Variants in KPNA2 observed in about 807,000 individuals in gnomAD.
KPNA2 encodes importin subunit alpha-1.
Under a neutral mutation model 53.7 loss-of-function variants are expected in KPNA2, and 20 were observed. That is an observed-to-expected ratio of 0.37 (90% confidence interval 0.26 to 0.54). The LOEUF (loss-of-function observed/expected upper bound fraction) is 0.54, where lower values mean the gene tolerates loss of function less well. Ranked by LOEUF, KPNA2 falls within the 20% of genes least tolerant of loss-of-function variation. KPNA2 has a pLI of 0.83. For synonymous variants in KPNA2, 238 were observed against 227.5 expected, an observed-to-expected ratio of 1.05 and a Z score of -0.42; for missense variants, 515 against 640.3, an observed-to-expected ratio of 0.80 and a Z score of 2.11.
chr17:68,037,026 C>G (rs1209339531), intron 1 of KPNA2, 84 bp from the exon 2 acceptor site: 1 of 908,828 alleles, frequency 1.1e-6, no homozygotes, highest in Non-Finnish European at 1.8e-6. Flanking sequence ...TCAGTAGATG[C>G]TTGATAATTC....
chr17:68,039,274 C>T (rs576142661), intron 3 of KPNA2, among the ~76,000 whole-genome samples: 21 of 151,918 alleles, frequency 1.4e-4, no homozygotes, highest in Admixed American at 2.6e-4. Context: ...GGGATCACCA[C>T]GATGTCTAGC....
chr17:68,043,675 C>T lies in KPNA2; in HGVS notation c.931-163C>T, dbSNP rs566159866. 8.0e-5 allele frequency among the ~76,000 whole-genome samples: 5 copies of T among 62,752 alleles called. No individual in the cohort carries two copies. In the East Asian group the frequency reaches 1.7e-3, roughly 22 times the overall value. The allele number at this position is 62,752 out of a possible 152,430, so 41.2% of individuals were successfully genotyped here. ...GACCCGAAATCGTGCCATTATACTC[C>T]AGTCTCTCAAAAAAAAAAAAAAAAG... is the stretch of plus-strand genomic sequence containing the variant. On this transcript the variant is annotated intron_variant, in intron 7 of 10. Transcript: ENST00000330459.
In KPNA2 at chr17:68,042,368, A is replaced by C. The variant is rs1555704680; in HGVS notation, c.571+15A>C. ...AAACATTGCAGGTACTTGGACTTGA[A>C]GTTCTTTTGACTGAATGTATCTAAT... On this transcript the variant is annotated intron_variant, in intron 5 of 10. Coordinates refer to ENST00000330459, the MANE Select transcript of KPNA2 (RefSeq NM_002266.4). 1 of 1,612,266 alleles carries C rather than the reference A, an allele frequency of 6.2e-7. No homozygotes were observed. The highest frequency in any genetic ancestry group is 1.7e-5 in the Admixed American group (1 of 59,964).
intron 3 of KPNA2, among the ~76,000 whole-genome samples, chr17:68,039,310 G>A (rs1035564156): frequency 2.6e-5 from 4 of 151,514 alleles, no homozygotes; most frequent in Non-Finnish European, 5.9e-5. Context: ...TAGTAGACAC[G>A]GGGATTCACC....
chr17:68,038,143 T>C (rs192760244), intron 3 of KPNA2, among the ~76,000 whole-genome samples: 178 of 152,230 alleles, frequency 1.2e-3, no homozygotes, highest in Middle Eastern at 6.8e-3. Context: ...GTCTGGCTAA[T>C]TTTTTGTATT....
At chr17:68,037,625 C>G in intron 3 of KPNA2, 130 bp downstream of exon 3, 5 of 890,898 alleles carry the variant, frequency 5.6e-6, no homozygotes, top group Non-Finnish European at 8.7e-6. Flanking sequence ...ATCTTTTTCT[C>G]TGTTTGCAAT....
intron 4 of KPNA2, 61 bp downstream of exon 4, chr17:68,040,827 T>TG (rs1555704485): frequency 0.61 from 457,854 of 754,956 alleles, 147,862 homozygotes; most frequent in Non-Finnish European, 0.66. Flanking sequence ...GATTTTTTTT[T>TG]GGGGGGTGGG....
intron 10 of KPNA2, 25 bp from the exon 11 acceptor site, chr17:68,046,479 T>C (rs1311283709): frequency 1.3e-5 from 18 of 1,437,784 alleles, no homozygotes; most frequent in Non-Finnish European, 1.8e-5. Flanking sequence ...ATCATTTTTA[T>C]ACTTATTTTT....
chr17:68,040,362 T>G (rs2071244824), intron 3 of KPNA2, among the ~76,000 whole-genome samples: 2 of 151,178 alleles, frequency 1.3e-5, no homozygotes, highest in South Asian at 4.2e-4. Flanking sequence ...CCCAAAGTGC[T>G]AGGCTTACAG....
intron 3 of KPNA2, among the ~76,000 whole-genome samples, chr17:68,038,871 T>C (rs2071220624): frequency 6.6e-6 from 1 of 152,038 alleles, no homozygotes; most frequent in Non-Finnish European, 1.5e-5. Flanking sequence ...TAAAGTTAGC[T>C]GGGTGTGGTG....
chr17:68,036,988 A>AT, intron 1 of KPNA2, 122 bp from the exon 2 acceptor site: 1 of 713,750 alleles, frequency 1.4e-6, no homozygotes, highest in Non-Finnish European at 2.5e-6. Flanking sequence ...AAACATGATG[A>AT]TCCCCCCTCT....
Position 68,042,945 on chromosome 17 carries a change from T to C in KPNA2, c.612T>C (p.Gly204=), listed in dbSNP as rs782535624. 3.7e-6 allele frequency: 6 copies of C among 1,613,724 alleles called. No homozygotes were observed. Among genetic ancestry groups the C allele is most frequent in the Non-Finnish European group, 5.1e-6 (6 of 1,179,916 alleles). The part of the protein sequence containing the change: ...SVFRDLVIKY[G]AVDPLLALLA... The stretch of plus-strand genomic sequence containing the variant: ...TCCGAGACTTGGTTATTAAGTACGG[T>C]GCAGTTGACCCACTGTTGGCTCTCC... The change falls in exon 6 of 11, where the codon GGT becomes GGC. Residue 204 remains glycine, a synonymous_variant. Coordinates refer to ENST00000330459, the MANE Select transcript of KPNA2 (RefSeq NM_002266.4).
At chr17:68,043,703 T>C (rs1599142850) in intron 7 of KPNA2, 135 bp from the exon 8 acceptor site, 1 of 620,010 alleles carries the variant, frequency 1.6e-6, no homozygotes, top group South Asian at 2.0e-5. Context: ...AAAAAAAGCA[T>C]AATCAGTTGA....
chr17:68,046,527 A>C lies in KPNA2; in HGVS notation c.1521A>C (p.Val507=). 6.2e-7 allele frequency: 1 copy of C among 1,610,058 alleles called. No homozygotes were observed. The highest frequency in any genetic ancestry group is 8.5e-7 in the Non-Finnish European group (1 of 1,177,132). The change falls in exon 11 of 11, where the codon GTA becomes GTC. Residue 507 remains valine, a synonymous_variant. Coordinates refer to ENST00000330459, the MANE Select transcript of KPNA2 (RefSeq NM_002266.4). ...SVEEEEDQNV[V]PETTSEGYTF... is the part of the protein sequence containing the mutation. Reference sequence around the variant, plus strand: ...AGGAAGAGGAAGATCAAAACGTTGTACCAGAAACTACCTCTGAAGGCTACA... The same window carrying C: ...AGGAAGAGGAAGATCAAAACGTTGTCCCAGAAACTACCTCTGAAGGCTACA...
At chr17:68,039,310 G>C (rs1035564156) in intron 3 of KPNA2, among the ~76,000 whole-genome samples, 2 of 151,514 alleles carry the variant, frequency 1.3e-5, no homozygotes, top group African/African-American at 4.8e-5. Flanking sequence ...TAGTAGACAC[G>C]GGGATTCACC....
intron 3 of KPNA2, among the ~76,000 whole-genome samples, chr17:68,040,451 G>C (rs370876148): frequency 9.2e-5 from 14 of 151,942 alleles, no homozygotes; most frequent in African/African-American, 3.1e-4. Flanking sequence ...CAAAACACTT[G>C]GATACTCCAT....
At chr17:68,041,836 G>T (rs1555704602) in intron 4 of KPNA2, among the ~76,000 whole-genome samples, 4 of 152,176 alleles carry the variant, frequency 2.6e-5, no homozygotes, top group Non-Finnish European at 1.5e-5. Context: ...GTAGATTTCT[G>T]CAGGGATGGA....
chr17:68,040,504 T>C (rs763216663), intron 3 of KPNA2, among the ~76,000 whole-genome samples, 174 bp from the exon 4 acceptor site: 2 of 152,198 alleles, frequency 1.3e-5, no homozygotes, highest in African/African-American at 4.8e-5. Context: ...GTTTGGAAAC[T>C]GTTCTACATA....
At position 68,044,338 on chromosome 17, in the gene KPNA2, A is replaced by C; in HGVS notation, c.1182A>C (p.Gln394His). Residue 394 changes from glutamine (Q) to histidine (H), a missense_variant, in exon 9 of 11, where the codon CAA (glutamine) becomes CAC (histidine). Transcript: ENST00000330459. ...SVLSKADFKT[Q>H]KEAVWAVTNY... ...TTTAATAGGCAGATTTTAAGACACA[A>C]AAGGAAGCTGTGTGGGCCGTGACCA... is the stretch of plus-strand genomic sequence containing the variant. The C allele has an allele frequency of 1.9e-6, 3 of 1,612,746 alleles. No individual in the cohort carries two copies. Among genetic ancestry groups the C allele is most frequent in the Non-Finnish European group, 2.5e-6 (3 of 1,179,580 alleles).
Sources: allele counts gnomAD v4.1 joint callset (sites outside exome capture counted in the v4.1 genomes callset), GRCh38; gene constraint gnomAD v4.1.1; transcripts MANE v1.5; gene names NCBI Gene and HGNC (gene_info 2026-07-23, HGNC 2026-07-21).